AGAP1: variants seen among roughly 807,000 people sequenced by gnomAD.
AGAP1 encodes the protein arf-GAP with GTPase, ANK repeat and PH domain-containing protein 1.
A neutral mutation model predicts 105.3 loss-of-function variants in AGAP1; 29 were observed. The observed-to-expected ratio is 0.28, with a 90% CI of 0.21 to 0.38. AGAP1 has a LOEUF of 0.38. Ranked by LOEUF, AGAP1 falls within the 10% of genes least tolerant of loss-of-function variation. The probability of loss-of-function intolerance (pLI) is 1.00; values close to 1 mark genes in which losing one functional copy is unlikely to be tolerated. For synonymous variants in AGAP1, 509 were observed against 485.9 expected (o/e 1.05, Z -0.63); for missense variants, 998 against 1,165.1 (o/e 0.86, Z 2.09).
intron 1 of AGAP1, among the ~76,000 whole-genome samples, chr2:235,512,566 C>G (rs1393330088): frequency 6.6e-6 from 1 of 152,198 alleles, no homozygotes. Flanking sequence ...TACCCTCCAA[C>G]CTGGGCAACA....
At chr2:236,103,170 A>G (rs2059402064) in intron 16 of AGAP1, among the ~76,000 whole-genome samples, 1 of 151,766 alleles carries the variant, frequency 6.6e-6, no homozygotes, top group African/African-American at 2.4e-5. Flanking sequence ...TCCCTCACCA[A>G]AACCAGCACC....
chr2:235,629,623 C>T (rs1049716637), intron 1 of AGAP1, among the ~76,000 whole-genome samples: 2 of 151,770 alleles, frequency 1.3e-5, no homozygotes, highest in East Asian at 1.9e-4. Context: ...AATCCCAGCA[C>T]TTTGGAAGGC....
At chr2:235,521,331 T>G (rs1942605377) in intron 1 of AGAP1, among the ~76,000 whole-genome samples, 1 of 152,236 alleles carries the variant, frequency 6.6e-6, no homozygotes, top group South Asian at 2.1e-4. Flanking sequence ...GTTATATAAC[T>G]AGTTAACATA....
chr2:235,807,363 C>A, intron 9 of AGAP1, 32 bp downstream of exon 9: 1 of 1,552,842 alleles, frequency 6.4e-7, no homozygotes, highest in Non-Finnish European at 8.7e-7. Context: ...CCCTCCCTGT[C>A]GCCGGAGATA....
intron 1 of AGAP1, among the ~76,000 whole-genome samples, chr2:235,515,346 G>T (rs1942335405): frequency 6.6e-6 from 1 of 152,122 alleles, no homozygotes; most frequent in African/African-American, 2.4e-5. Context: ...GTGGTTTATT[G>T]GCCCAGATTC....
chr2:236,020,706 C>G lies in AGAP1; in HGVS notation c.1646-15855C>G, dbSNP rs969552032. 2.0e-5 allele frequency among the ~76,000 whole-genome samples: 3 copies of G among 152,168 alleles called. No individual in the cohort carries two copies. ...CTGGGCACATAGGGAAGCTGGCCGC[C>G]GTGGCTGCTATTAAATTGCTATACA... On this transcript the variant is annotated intron_variant, in intron 13 of 17. Transcript: ENST00000304032. This position sits in a 1 kb window ranked among gnomAD's most constrained non-coding sequence, Gnocchi z 5.0.
rs918915701 is a variant in AGAP1, at chr2:235,552,292, A to C, written c.163+57443A>C. ...AAAGAGAGAGACATTGGTGCCAAGA[A>C]ATCCTATCGGGGACATTTAATAACT... On this transcript the variant is annotated intron_variant, in intron 1 of 17. Transcript: ENST00000304032. This position sits in a 1 kb window ranked among gnomAD's most constrained non-coding sequence, Gnocchi z 5.9. Among the ~76,000 whole-genome samples the C allele has an allele frequency of 5.3e-5, 8 of 152,214 alleles. No individual in the cohort carries two copies. Among genetic ancestry groups the C allele is most frequent in the African/African-American group, 1.9e-4 (8 of 41,460 alleles).
chr2:235,717,798 G>A (rs1951194276), intron 3 of AGAP1, among the ~76,000 whole-genome samples, 154 bp downstream of exon 3: 1 of 152,210 alleles, frequency 6.6e-6, no homozygotes, highest in Admixed American at 6.5e-5. Context: ...GGTTTCTTCT[G>A]TAGTATTTTT....
rs1205566303 is a variant in AGAP1, at chr2:235,586,008, A to T, written c.163+91159A>T. 3.4e-4 allele frequency among the ~76,000 whole-genome samples: 51 copies of T among 152,170 alleles called. No homozygotes were observed. The highest frequency in any genetic ancestry group is 1.5e-5 in the Non-Finnish European group (1 of 68,024). On this transcript the variant is annotated intron_variant, in intron 1 of 17. Coordinates refer to ENST00000304032, the MANE Select transcript of AGAP1 (RefSeq NM_001037131.3). This position sits in a 1 kb window ranked among gnomAD's most constrained non-coding sequence, Gnocchi z 4.2. ...GCAGCTGCCACTGAGAAGTGTATTT[A>T]GGCAGGTTCTGGCAACAGACTTGGT...
chr2:235,892,586 A>G (rs2050595396), intron 10 of AGAP1, among the ~76,000 whole-genome samples: 1 of 152,080 alleles, frequency 6.6e-6, no homozygotes, highest in African/African-American at 2.4e-5. Context: ...ATTCAAGAAA[A>G]AAAAAAAAAA....
At position 236,084,226 on chromosome 2, in the gene AGAP1, G is replaced by A. The variant is rs3768936; in HGVS notation, c.2114+34945G>A. ...TTAGTTGTGCCTTCCTGAAGGGCGGGGGGGGGTCTCTGCGGCCACCTTAAA... is the reference window on the plus strand; with the variant it reads ...TTAGTTGTGCCTTCCTGAAGGGCGGAGGGGGGTCTCTGCGGCCACCTTAAA... On this transcript the variant is annotated intron_variant, in intron 16 of 17. Transcript: ENST00000304032. Among the ~76,000 whole-genome samples the A allele has an allele frequency of 4.6e-5, 7 of 151,472 alleles. No homozygotes were observed. In the South Asian group the frequency reaches 1.3e-3, roughly 27 times the overall value.
rs1335435698 is a variant in AGAP1, at chr2:235,787,838, C to G, written c.674-9921C>G. ...AGCATTCTGGGATCAAGAAGATGAC[C>G]AAGTACATTGTGGGACCAAGAGCAA... On this transcript the variant is annotated intron_variant, in intron 6 of 17. Coordinates refer to ENST00000304032, the MANE Select transcript of AGAP1 (RefSeq NM_001037131.3). The surrounding 1 kb of genome is among the most constrained non-coding windows in gnomAD (Gnocchi z 4.4). Among the ~76,000 whole-genome samples the G allele has an allele frequency of 6.6e-6, 1 of 151,986 alleles. No homozygotes were observed. The highest frequency in any genetic ancestry group is 1.5e-5 in the Non-Finnish European group (1 of 68,006).
In AGAP1 at chr2:235,692,637, C is replaced by T. The variant is rs547842919; in HGVS notation, c.164-16542C>T. Among the ~76,000 whole-genome samples the T allele has an allele frequency of 6.6e-6, 1 of 152,208 alleles. No individual in the cohort carries two copies. The highest frequency in any genetic ancestry group is 2.4e-5 in the African/African-American group (1 of 41,512). On this transcript the variant is annotated intron_variant, in intron 1 of 17. Transcript: ENST00000304032. The surrounding 1 kb of genome is among the most constrained non-coding windows in gnomAD (Gnocchi z 5.8). Reference sequence around the variant, plus strand: ...CCTCAGTGCCTAGCCAGTGGGTTCCCCTCGCTGACCCTCAGCCCTCAGGCC... The same window carrying T: ...CCTCAGTGCCTAGCCAGTGGGTTCCTCTCGCTGACCCTCAGCCCTCAGGCC...
intron 1 of AGAP1, among the ~76,000 whole-genome samples, chr2:235,674,398 A>T (rs1315680906): frequency 6.6e-6 from 1 of 152,238 alleles, no homozygotes; most frequent in African/African-American, 2.4e-5. Context: ...CTTGCAGCGC[A>T]TGCTCTCTGC....
chr2:235,774,423 C>T, intron 6 of AGAP1: 1 of 468,550 alleles, frequency 2.1e-6, no homozygotes, highest in Non-Finnish European at 4.4e-6. Flanking sequence ...TCCCTTCCAT[C>T]ACGGCAGGCA....
chr2:235,960,292 C>T lies in AGAP1; in HGVS notation c.1484-8170C>T, dbSNP rs1371844766. On this transcript the variant is annotated intron_variant, in intron 12 of 17. Coordinates refer to ENST00000304032, the MANE Select transcript of AGAP1 (RefSeq NM_001037131.3). The surrounding 1 kb of genome is among the most constrained non-coding windows in gnomAD (Gnocchi z 4.9). ...GAATGCTGGCCTGGCTTTCTGTTTCCATTCTTGAGATTGCAGTTGTTTTTA... is the reference window on the plus strand; with the variant it reads ...GAATGCTGGCCTGGCTTTCTGTTTCTATTCTTGAGATTGCAGTTGTTTTTA... 6.6e-6 allele frequency among the ~76,000 whole-genome samples: 1 copy of T among 152,184 alleles called. No homozygotes were observed. Among genetic ancestry groups the T allele is most frequent in the Admixed American group, 6.5e-5 (1 of 15,284 alleles).
At position 236,105,591 on chromosome 2, in the gene AGAP1, T is replaced by C. The variant is rs1411762741; in HGVS notation, c.2115-14601T>C. ...TTTTTTTTGAGACACAGTCTCGCTCTGTCACCCAGGCTGCAGTGCAGTGGC... is the reference window on the plus strand; with the variant it reads ...TTTTTTTTGAGACACAGTCTCGCTCCGTCACCCAGGCTGCAGTGCAGTGGC... On this transcript the variant is annotated intron_variant, in intron 16 of 17. Coordinates refer to ENST00000304032, the MANE Select transcript of AGAP1 (RefSeq NM_001037131.3). The surrounding 1 kb of genome is among the most constrained non-coding windows in gnomAD (Gnocchi z 4.2). 6.9e-6 allele frequency among the ~76,000 whole-genome samples: 1 copy of C among 145,188 alleles called. No individual in the cohort carries two copies. The highest frequency in any genetic ancestry group is 1.5e-5 in the Non-Finnish European group (1 of 66,840).
At chr2:235,657,154 T>C (rs1031496382) in intron 1 of AGAP1, among the ~76,000 whole-genome samples, 2 of 152,194 alleles carry the variant, frequency 1.3e-5, no homozygotes, top group African/African-American at 4.8e-5. Flanking sequence ...GACTTCCTCC[T>C]CAGAGACGGG....
intron 16 of AGAP1, among the ~76,000 whole-genome samples, chr2:236,115,073 C>T (rs2059737636): frequency 6.6e-6 from 1 of 152,238 alleles, no homozygotes; most frequent in South Asian, 2.1e-4. Flanking sequence ...CGTATGTACA[C>T]ACAGCCGTGA....
Sources: allele counts gnomAD v4.1 joint callset (sites outside exome capture counted in the v4.1 genomes callset), GRCh38; gene constraint gnomAD v4.1.1; non-coding constraint Gnocchi (gnomAD v3.1); transcripts MANE v1.5; gene names NCBI Gene and HGNC (gene_info 2026-07-23, HGNC 2026-07-21).